The following PPP3CA variants were observed in gnomAD, a reference collection of about 807,000 sequenced individuals.
PPP3CA encodes CAM-PRP catalytic subunit.
Under a neutral mutation model 66.5 loss-of-function variants are expected in PPP3CA, and 14 were observed. The ratio of observed to expected loss-of-function variants is 0.21; its 90% CI spans 0.14 to 0.33. PPP3CA has a LOEUF of 0.33. PPP3CA is among the 10% of genes least tolerant of loss of function. The pLI, the probability that PPP3CA is intolerant of heterozygous loss-of-function variation, is 1.00. For synonymous variants in PPP3CA, 232 were observed against 226.2 expected (o/e 1.03, Z -0.23); for missense variants, 317 against 639.5 (o/e 0.50, Z 5.44).
At chr4:101,034,355 A>G (rs1240614649) in intron 11 of PPP3CA, among the ~76,000 whole-genome samples, 3 of 152,290 alleles carry the variant, frequency 2.0e-5, no homozygotes, top group Non-Finnish European at 4.4e-5. Context: ...ATTTAAAATA[A>G]TAATAATCCC....
At chr4:101,056,863 C>G (rs1578408449) in intron 10 of PPP3CA, among the ~76,000 whole-genome samples, 1 of 150,504 alleles carries the variant, frequency 6.6e-6, no homozygotes, top group East Asian at 2.0e-4. Flanking sequence ...CAACTCACTT[C>G]AATATACGTT....
chr4:101,063,090 C>A lies in PPP3CA; in HGVS notation c.1081+142G>T. On this transcript the variant is annotated intron_variant, in intron 9 of 13. Transcript: ENST00000394854. ...TAATAGGATACAGAGTGACACACTG[C>A]CACTTCCAAATCACATCTTTCATTG... is the stretch of plus-strand genomic sequence containing the variant. 5.0e-6 allele frequency: 5 copies of A among 1,001,356 alleles called. No homozygotes were observed. In the South Asian group the frequency reaches 9.9e-5, roughly 20 times the overall value. 62.0% of individuals were successfully genotyped at this position (1,001,356 alleles called of 1,614,324 possible). A position where few individuals can be genotyped will look rare whatever the true frequency, so the allele number is the denominator to read the frequency against.
At chr4:101,084,646 A>G (rs1210513660) in intron 6 of PPP3CA, among the ~76,000 whole-genome samples, 3 of 151,630 alleles carry the variant, frequency 2.0e-5, no homozygotes, top group African/African-American at 7.3e-5. Context: ...TCCATCTCAA[A>G]AAAAAAAAAA....
chr4:101,102,659 G>A (rs1408873238), intron 3 of PPP3CA, among the ~76,000 whole-genome samples: 1 of 152,072 alleles, frequency 6.6e-6, no homozygotes, highest in African/African-American at 2.4e-5. Context: ...CTGAAGAACT[G>A]AAGATCTTCA....
At chr4:101,248,385 T>G (rs1726558679) in intron 1 of PPP3CA, among the ~76,000 whole-genome samples, 1 of 152,222 alleles carries the variant, frequency 6.6e-6, no homozygotes, top group African/African-American at 2.4e-5. Context: ...TGCTCTGGAA[T>G]AAATGGCAAT....
intron 1 of PPP3CA, among the ~76,000 whole-genome samples, chr4:101,346,107 C>G (rs1280364127): frequency 2.0e-5 from 3 of 151,876 alleles, no homozygotes; most frequent in South Asian, 4.2e-4. Context: ...CGCCCCCGCC[C>G]CCGCCCCGCG....
intron 8 of PPP3CA, among the ~76,000 whole-genome samples, chr4:101,070,040 C>T (rs924748973): frequency 1.3e-5 from 2 of 152,110 alleles, no homozygotes; most frequent in Non-Finnish European, 2.9e-5. Context: ...TGTGTTGCTC[C>T]GGGGTCAATT....
chr4:101,233,503 G>C (rs929798315), intron 1 of PPP3CA, among the ~76,000 whole-genome samples: 1 of 151,586 alleles, frequency 6.6e-6, no homozygotes, highest in Non-Finnish European at 1.5e-5. Flanking sequence ...TATTTTGTTC[G>C]CATTTTTAAA....
chr4:101,262,997 C>A (rs1426672153), intron 1 of PPP3CA, among the ~76,000 whole-genome samples: 1 of 152,068 alleles, frequency 6.6e-6, no homozygotes, highest in African/African-American at 2.4e-5. Context: ...CCAATAGAAT[C>A]CACAGCAGCT....
rs1726589486 is a variant in PPP3CA at position 101,025,481 on chromosome 4, G to A, written c.*384C>T. ...ACAATAGAGTAAGAAATTAGACAAA[G>A]TTTTCATGTCCAGTAACAGAATAAA... On this transcript the variant is annotated 3_prime_UTR_variant, in exon 14 of 14. Coordinates refer to ENST00000394854, the MANE Select transcript of PPP3CA (RefSeq NM_000944.5). The A allele has an allele frequency of 6.4e-6, 1 of 156,778 alleles. No homozygotes were observed. The highest frequency in any genetic ancestry group is 2.4e-5 in the African/African-American group (1 of 41,500). 9.7% of individuals were successfully genotyped at this position (156,778 alleles called of 1,614,324 possible). A position where few individuals can be genotyped will look rare whatever the true frequency, so the allele number is the denominator to read the frequency against.
At chr4:101,148,858 C>T (rs1274935461) in intron 2 of PPP3CA, among the ~76,000 whole-genome samples, 1 of 152,114 alleles carries the variant, frequency 6.6e-6, no homozygotes, top group African/African-American at 2.4e-5. Context: ...TGGCAAATCT[C>T]TCAGAATATC....
At chr4:101,310,641 C>A (rs1728692746) in intron 1 of PPP3CA, among the ~76,000 whole-genome samples, 1 of 152,098 alleles carries the variant, frequency 6.6e-6, no homozygotes, top group Non-Finnish European at 1.5e-5. Context: ...CCACTGCACT[C>A]CAGCCTAAGT....
intron 1 of PPP3CA, among the ~76,000 whole-genome samples, chr4:101,254,393 C>A (rs1286419260): frequency 6.6e-6 from 1 of 151,802 alleles, no homozygotes; most frequent in Non-Finnish European, 1.5e-5. Flanking sequence ...CAGGTGTGGA[C>A]CCAGTTTATG....
chr4:101,240,482 C>T (rs1355993816), intron 1 of PPP3CA, among the ~76,000 whole-genome samples: 9 of 152,032 alleles, frequency 5.9e-5, no homozygotes, highest in African/African-American at 4.8e-5. Flanking sequence ...TTTGTTCCCC[C>T]CACCCTTTAT....
At chr4:101,167,210 T>C (rs896550491) in intron 2 of PPP3CA, among the ~76,000 whole-genome samples, 2 of 152,150 alleles carry the variant, frequency 1.3e-5, no homozygotes, top group Non-Finnish European at 2.9e-5. Context: ...TAGACAGCAA[T>C]AGGGATGATG....
At chr4:101,342,728 G>A (rs764186944) in intron 1 of PPP3CA, among the ~76,000 whole-genome samples, 17 of 152,084 alleles carry the variant, frequency 1.1e-4, no homozygotes, top group Admixed American at 3.9e-4. Flanking sequence ...GTAACAAAAT[G>A]TCAGTAAAAT....
At chr4:101,116,332 A>G (rs1264935876) in intron 2 of PPP3CA, among the ~76,000 whole-genome samples, 2 of 151,982 alleles carry the variant, frequency 1.3e-5, no homozygotes, top group Non-Finnish European at 2.9e-5. Flanking sequence ...AATAAAATCC[A>G]TAATGTTAAA....
intron 1 of PPP3CA, among the ~76,000 whole-genome samples, chr4:101,234,597 G>A (rs1041069377): frequency 4.0e-5 from 6 of 150,432 alleles, no homozygotes; most frequent in Middle Eastern, 3.2e-3. Context: ...CTTGTAAATC[G>A]GGTCATTTTT....
chr4:101,085,110 T>C (rs867617154), intron 6 of PPP3CA, among the ~76,000 whole-genome samples: 4 of 152,338 alleles, frequency 2.6e-5, no homozygotes, highest in Middle Eastern at 3.4e-3. Flanking sequence ...AACAGCAGAT[T>C]TGTTTGGTAT....
Sources: gnomAD v4.1 joint callset for allele counts (sites outside exome capture counted in the v4.1 genomes callset) on GRCh38, gnomAD v4.1.1 for gene constraint, MANE v1.5 for transcripts, NCBI Gene and HGNC (gene_info 2026-07-23, HGNC 2026-07-21) for gene names.